Variants in SND1 observed in about 807,000 individuals in gnomAD.
SND1 encodes the protein staphylococcal nuclease and tudor domain containing 1.
In SND1, 38 loss-of-function variants were observed where a neutral mutation model predicts 121.7. The observed-to-expected ratio is 0.31, with a 90% CI of 0.24 to 0.41. The LOEUF (loss-of-function observed/expected upper bound fraction) is 0.41. Ranked by LOEUF, SND1 falls within the 10% of genes least tolerant of loss-of-function variation. The pLI, the probability that SND1 is intolerant of heterozygous loss-of-function variation, is 1.00. For synonymous variants in SND1, 401 were observed against 447.4 expected (o/e 0.90, Z 1.31); for missense variants, 868 against 1,184.6 (o/e 0.73, Z 3.92).
intron 10 of SND1, among the ~76,000 whole-genome samples, chr7:127,736,071 A>T (rs1051300995): frequency 6.6e-6 from 1 of 152,150 alleles, no homozygotes; most frequent in Non-Finnish European, 1.5e-5. Flanking sequence ...TCATTTTTGT[A>T]CAGTTTCTGA....
At chr7:127,933,178 C>T (rs1800988910) in intron 15 of SND1, among the ~76,000 whole-genome samples, 1 of 152,214 alleles carries the variant, frequency 6.6e-6, no homozygotes, top group South Asian at 2.1e-4. Flanking sequence ...AGAGCACAGA[C>T]CATCTTGGCT....
rs974530551 is a variant in SND1 at position 127,790,505 on chromosome 7, C to T, written c.1153-16979C>T. Among the ~76,000 whole-genome samples, 3 of 152,214 alleles carry T rather than the reference C, an allele frequency of 2.0e-5. No individual in the cohort carries two copies. The South Asian group carries it at 6.2e-4, about 32-fold the overall frequency. On this transcript the variant is annotated intron_variant, in intron 10 of 23. Coordinates refer to ENST00000354725, the MANE Select transcript of SND1 (RefSeq NM_014390.4). ...TAGTTAAATTAGAGTTCACCTTTTG[C>T]TCCTGCCATTTTTAGTGGTGTGGCC...
chr7:127,796,965 T>C (rs181343571), intron 10 of SND1, among the ~76,000 whole-genome samples: 17 of 143,722 alleles, frequency 1.2e-4, no homozygotes, highest in Non-Finnish European at 2.1e-4. Context: ...TGATCTCAGC[T>C]AAACGCAACC....
At position 127,858,426 on chromosome 7, in the gene SND1, G is replaced by T. The variant is rs1584623071; in HGVS notation, c.1343+14002G>T. The T allele has an allele frequency of 5.6e-6, 5 of 888,640 alleles. No individual in the cohort carries two copies. In the East Asian group the frequency reaches 8.1e-5, roughly 14 times the overall value. The allele number at this position is 888,640 out of a possible 1,614,324, so 55.0% of individuals were successfully genotyped here. A position where few individuals can be genotyped will look rare whatever the true frequency, so the allele number is the denominator to read the frequency against. On this transcript the variant is annotated intron_variant, in intron 12 of 23. Transcript: ENST00000354725. ...TCCAAGAAGGCTTGGGCACTCACTG[G>T]GGTCTGGCCCAAGCTGTCCTCCTCT...
intron 10 of SND1, among the ~76,000 whole-genome samples, chr7:127,796,233 G>T (rs1402031298): frequency 1.3e-5 from 2 of 152,038 alleles, no homozygotes; most frequent in Non-Finnish European, 2.9e-5. Flanking sequence ...AACTAGTATA[G>T]TATAAGCGCC....
intron 12 of SND1, among the ~76,000 whole-genome samples, chr7:127,884,792 C>A (rs754880469): frequency 1.3e-5 from 2 of 152,100 alleles, no homozygotes; most frequent in Non-Finnish European, 2.9e-5. Flanking sequence ...ACCAACATAC[C>A]ATGAGTTCAC....
intron 15 of SND1, among the ~76,000 whole-genome samples, chr7:127,950,637 C>T (rs1563068052): frequency 6.6e-6 from 1 of 152,210 alleles, no homozygotes; most frequent in Non-Finnish European, 1.5e-5. Context: ...AGTCCTGTTA[C>T]ATTCCCTCCC....
At chr7:127,707,766 AGTGTGTGTGTGTGTGTGTGTGTGTGTGT>A (rs35627839) in intron 9 of SND1, 119 bp downstream of exon 9, 5 of 408,976 alleles carry the variant, frequency 1.2e-5, no homozygotes, top group African/African-American at 6.6e-5. Flanking sequence ...AGCCAGTAGG[AGTGTGTGTGTGTGTGTGTGTGTGTGTGT>A]GTGTGTGTGT....
chr7:128,058,520 C>T (rs1252587300), intron 16 of SND1, among the ~76,000 whole-genome samples: 1 of 152,176 alleles, frequency 6.6e-6, no homozygotes, highest in Non-Finnish European at 1.5e-5. Flanking sequence ...TTGATATCAC[C>T]CTGAAATCAA....
intron 1 of SND1, among the ~76,000 whole-genome samples, chr7:127,681,462 C>T (rs1587591751): frequency 1.3e-5 from 2 of 152,088 alleles, no homozygotes; most frequent in Non-Finnish European, 2.9e-5. Flanking sequence ...TGATAGTGTC[C>T]ATTGAAGCAC....
intron 12 of SND1, chr7:127,857,749 T>G: frequency 1.6e-6 from 1 of 622,486 alleles, no homozygotes; most frequent in Non-Finnish European, 2.9e-6. Flanking sequence ...GGAAATTGAC[T>G]GAAAAATGGC....
rs139562849 is a variant in SND1, at chr7:128,029,639, G to C, written c.1779+38583G>C. ...CCTCCACGAGGTAGCGGCCTCGCATGTGCATGGGAGCATGACAGCGGCCAC... is the reference window on the plus strand; with the variant it reads ...CCTCCACGAGGTAGCGGCCTCGCATCTGCATGGGAGCATGACAGCGGCCAC... On this transcript the variant is annotated intron_variant, in intron 16 of 23. Coordinates refer to ENST00000354725, the MANE Select transcript of SND1 (RefSeq NM_014390.4). This position sits in a 1 kb window ranked among gnomAD's most constrained non-coding sequence, Gnocchi z 4.2. The C allele has an allele frequency of 6.2e-7, 1 of 1,614,018 alleles. No individual in the cohort carries two copies. Among genetic ancestry groups the C allele is most frequent in the East Asian group, 2.2e-5 (1 of 44,880 alleles).
intron 15 of SND1, among the ~76,000 whole-genome samples, chr7:127,963,243 ATTTCT>A (rs892029324): frequency 1.5e-5 from 2 of 132,386 alleles, no homozygotes; most frequent in Non-Finnish European, 3.2e-5. Context: ...AGAGCGGCAT[ATTTCT>A]TTTCTTTTTT....
intron 16 of SND1, chr7:128,032,092 G>C (rs888458652): frequency 4.6e-5 from 7 of 151,970 alleles, no homozygotes; most frequent in African/African-American, 1.7e-4. Flanking sequence ...TTGTCCTTCA[G>C]TCAGAACGTG....
chr7:127,973,974 G>A (rs572565895), intron 15 of SND1, among the ~76,000 whole-genome samples: 1 of 152,326 alleles, frequency 6.6e-6, no homozygotes, highest in East Asian at 1.9e-4. Flanking sequence ...CAGGGGACAG[G>A]GAGGTTGAAA....
At chr7:128,019,428 G>GT (rs1189063249) in intron 16 of SND1, among the ~76,000 whole-genome samples, 1 of 152,200 alleles carries the variant, frequency 6.6e-6, no homozygotes, top group Non-Finnish European at 1.5e-5. Flanking sequence ...AACACAGGCT[G>GT]TTGCTTAGGA....
chr7:128,054,553 T>C (rs1221954637), intron 16 of SND1, among the ~76,000 whole-genome samples: 3 of 152,246 alleles, frequency 2.0e-5, no homozygotes. Flanking sequence ...TTAGCAATGG[T>C]TCAAAGTCTC....
intron 10 of SND1, among the ~76,000 whole-genome samples, chr7:127,782,248 T>C (rs73721006): frequency 0.017 from 2,596 of 152,206 alleles, 93 homozygotes; most frequent in African/African-American, 0.059. Context: ...ACAGTTGAGG[T>C]CTGGTTGTTT....
chr7:127,728,250 A>T (rs2116404205), intron 10 of SND1, among the ~76,000 whole-genome samples: 1 of 149,920 alleles, frequency 6.7e-6, no homozygotes, highest in Middle Eastern at 3.4e-3. Context: ...GATTTTAACA[A>T]TCTCCTAGTC....
Sources: allele counts gnomAD v4.1 joint callset (sites outside exome capture counted in the v4.1 genomes callset), GRCh38; gene constraint gnomAD v4.1.1; non-coding constraint Gnocchi (gnomAD v3.1); transcripts MANE v1.5; gene names NCBI Gene and HGNC (gene_info 2026-07-23, HGNC 2026-07-21).